LIMS1: variants seen among roughly 807,000 people sequenced by gnomAD.
The protein encoded by LIMS1 is LIM and senescent cell antigen-like-containing domain protein 1.
A neutral mutation model predicts 44.1 loss-of-function variants in LIMS1; 18 were observed. That is an observed-to-expected ratio of 0.41 (90% CI 0.28 to 0.61). LIMS1 has a LOEUF of 0.61. Among genes scored for constraint, LIMS1 ranks in the 20% least tolerant of loss-of-function variants. LIMS1 has a pLI of 0.32. For synonymous variants in LIMS1, 93 were observed against 149.1 expected (o/e 0.62, Z 2.74); for missense variants, 201 against 422.0 (o/e 0.48, Z 4.59).
At chr2:108,645,474 A>G (rs187757862) in intron 1 of LIMS1, among the ~76,000 whole-genome samples, 51 of 152,316 alleles carry the variant, frequency 3.3e-4, no homozygotes, top group Non-Finnish European at 6.0e-4. Context: ...GGCCTGCCTT[A>G]CAAGAACTCC....
At chr2:108,620,583 T>A (rs559977968) in intron 1 of LIMS1, among the ~76,000 whole-genome samples, 60 of 152,278 alleles carry the variant, frequency 3.9e-4, no homozygotes, top group Non-Finnish European at 7.6e-4. Context: ...AATGTACAGA[T>A]AAATACAGGG....
intron 1 of LIMS1, among the ~76,000 whole-genome samples, chr2:108,637,964 T>TCCTACCTC (rs1367286906): frequency 7.2e-5 from 11 of 151,808 alleles, no homozygotes; most frequent in African/African-American, 2.4e-4. Context: ...CAAGCGATCC[T>TCCTACCTC]CCTACCTCAG....
chr2:108,630,548 T>A (rs919801437), intron 1 of LIMS1, among the ~76,000 whole-genome samples: 6 of 152,260 alleles, frequency 3.9e-5, no homozygotes, highest in Non-Finnish European at 7.3e-5. Flanking sequence ...GGTTTTAAAT[T>A]TTTTGAAATA....
intron 1 of LIMS1, among the ~76,000 whole-genome samples, chr2:108,618,501 CCT>C (rs145532061): frequency 3.0e-3 from 446 of 147,562 alleles, no homozygotes; most frequent in Non-Finnish European, 2.8e-3. Flanking sequence ...GGAAAGCAGT[CCT>C]CTCTCTCTCT....
intron 1 of LIMS1, among the ~76,000 whole-genome samples, chr2:108,620,397 TTGTGG>T (rs1222033443): frequency 6.6e-6 from 1 of 152,156 alleles, no homozygotes; most frequent in Non-Finnish European, 1.5e-5. Flanking sequence ...TAGCCTGTAT[TTGTGG>T]TGTGGTCCTG....
chr2:108,537,969 C>T (rs1277866528), intron 1 of LIMS1, among the ~76,000 whole-genome samples: 2 of 152,186 alleles, frequency 1.3e-5, no homozygotes, highest in African/African-American at 4.8e-5. Context: ...TTTGGATAAT[C>T]ATTTAAATAA....
chr2:108,674,801 A>C (rs548847067), intron 5 of LIMS1, among the ~76,000 whole-genome samples: 33 of 148,810 alleles, frequency 2.2e-4, no homozygotes, highest in African/African-American at 7.7e-4. Flanking sequence ...TGATTGAATT[A>C]TCAGTTTGTG....
At chr2:108,676,381 C>A (rs2149008115) in intron 6 of LIMS1, among the ~76,000 whole-genome samples, 1 of 152,292 alleles carries the variant, frequency 6.6e-6, no homozygotes, top group African/African-American at 2.4e-5. Flanking sequence ...CACCTCTATT[C>A]TCTTTTTGGG....
chr2:108,642,335 G>GGTTTT lies in LIMS1; in HGVS notation c.33-17270_33-17269insGTTTT, dbSNP rs1689725879. Among the ~76,000 whole-genome samples the GGTTTT allele has an allele frequency of 5.9e-5, 2 of 34,146 alleles. 1 individual carries two copies. Among genetic ancestry groups the GGTTTT allele is most frequent in the Non-Finnish European group, 1.2e-4 (2 of 16,204 alleles). 22.4% of individuals were successfully genotyped at this position (34,146 alleles called of 152,430 possible). A position where few individuals can be genotyped will look rare whatever the true frequency, so the allele number is the denominator to read the frequency against. On this transcript the variant is annotated intron_variant, in intron 1 of 9. Coordinates refer to ENST00000544547, the Ensembl canonical transcript of LIMS1. ...AGAGGAGTAATTTTAAGCTACTAGT[G>GGTTTT]TTTTTTGTTTTTTTTTTTTTTTGTT...
At chr2:108,669,705 T>C (rs1273816178) in intron 2 of LIMS1, among the ~76,000 whole-genome samples, 1 of 147,072 alleles carries the variant, frequency 6.8e-6, no homozygotes. Flanking sequence ...GAAAAAGGCT[T>C]CTTAGCATTT....
At chr2:108,654,498 C>T (rs1474850301) in intron 1 of LIMS1, among the ~76,000 whole-genome samples, 1 of 152,000 alleles carries the variant, frequency 6.6e-6, no homozygotes, top group Admixed American at 6.6e-5. Flanking sequence ...CTCATGGCCT[C>T]CTGGGGAAGG....
chr2:108,650,841 G>A (rs1351370040), intron 1 of LIMS1, among the ~76,000 whole-genome samples: 1 of 146,694 alleles, frequency 6.8e-6, no homozygotes, highest in East Asian at 2.2e-4. Context: ...TAGAAGCAGA[G>A]GCTATGACTT....
intron 1 of LIMS1, among the ~76,000 whole-genome samples, chr2:108,617,451 G>A (rs965126882): frequency 5.3e-5 from 8 of 152,196 alleles, no homozygotes; most frequent in African/African-American, 1.9e-4. Context: ...TAGAAGAAGT[G>A]TGTCTTTTAA....
chr2:108,612,023 C>CATAT (rs1398814221), intron 1 of LIMS1, among the ~76,000 whole-genome samples: 186 of 70,488 alleles, frequency 2.6e-3, no homozygotes, highest in Middle Eastern at 6.2e-3. Context: ...TATATACACA[C>CATAT]ACATATACAC....
exon 3 of LIMS1, chr2:108,670,832 T>C: frequency 6.2e-7 from 1 of 1,610,392 alleles, no homozygotes; most frequent in Non-Finnish European, 8.5e-7. Context: ...CTTTGCCCCT[T>C]GCTGTCATCA....
chr2:108,553,723 G>A lies in LIMS1; in HGVS notation c.32+19129G>A, dbSNP rs145700655. Among the ~76,000 whole-genome samples the A allele has an allele frequency of 4.4e-3, 665 of 152,276 alleles. 4 individuals carry two copies. The highest frequency in any genetic ancestry group is 0.013 in the South Asian group (62 of 4,822). ...GACGAGCCTTCCCAGAATCTCTGGG[G>A]AACTGGCTTCAGGCCGTACACCCCC... On this transcript the variant is annotated intron_variant, in intron 1 of 9. Coordinates refer to ENST00000544547, the Ensembl canonical transcript of LIMS1.
intron 1 of LIMS1, among the ~76,000 whole-genome samples, chr2:108,587,093 C>G (rs1432847886): frequency 2.0e-5 from 3 of 152,150 alleles, no homozygotes; most frequent in African/African-American, 7.2e-5. Context: ...GGGCAGAACC[C>G]TGAGTTTTAG....
At chr2:108,657,415 T>C (rs564675368) in intron 1 of LIMS1, among the ~76,000 whole-genome samples, 2 of 152,426 alleles carry the variant, frequency 1.3e-5, no homozygotes, top group South Asian at 4.1e-4. Flanking sequence ...GGTTTCCAAA[T>C]AGTTTAAAAT....
intron 1 of LIMS1, among the ~76,000 whole-genome samples, chr2:108,559,111 C>T (rs529789281): frequency 2.0e-5 from 3 of 152,150 alleles, no homozygotes; most frequent in Admixed American, 6.5e-5. Flanking sequence ...ATCACTTCCA[C>T]GAAATTATTC....
Sources: allele counts gnomAD v4.1 joint callset (sites outside exome capture counted in the v4.1 genomes callset), GRCh38; gene constraint gnomAD v4.1.1; transcripts MANE v1.5; gene names NCBI Gene and HGNC (gene_info 2026-07-23, HGNC 2026-07-21).